Variants in RAP1GAP2 observed in about 807,000 individuals in gnomAD.
RAP1GAP2 encodes RAP1 GTPase activating protein 2, also known as rap1 GTPase-activating protein 2.
In RAP1GAP2, 27 loss-of-function variants were observed where a neutral mutation model predicts 95.0. That is an observed-to-expected ratio of 0.28 (90% CI 0.21 to 0.39). RAP1GAP2 has a LOEUF of 0.39. Among genes scored for constraint, RAP1GAP2 ranks in the 10% least tolerant of loss-of-function variants. RAP1GAP2 has a pLI of 1.00. For synonymous variants in RAP1GAP2, 373 were observed against 380.9 expected, an observed-to-expected ratio of 0.98 and a Z score of 0.24; for missense variants, 771 against 970.0, an observed-to-expected ratio of 0.79 and a Z score of 2.72.
chr17:2,841,303 AT>A (rs35885315), intron 2 of RAP1GAP2, among the ~76,000 whole-genome samples: 164 of 126,972 alleles, frequency 1.3e-3, no homozygotes, highest in Admixed American at 1.7e-3. Context: ...GATATGGGGA[AT>A]TTTTTTTTTT....
In RAP1GAP2 at chr17:2,916,959, C is replaced by T. The variant is rs529171565; in HGVS notation, c.165+11591C>T. Among the ~76,000 whole-genome samples the T allele has an allele frequency of 1.7e-3, 260 of 152,300 alleles. 1 individual carries two copies. The highest frequency in any genetic ancestry group is 5.4e-3 in the Admixed American group (82 of 15,294). ...CTAATAGGGTGCGAGCCACGGGCTT[C>T]GGCCTAGGCGTCTAGGCCAGCTGAG... On this transcript the variant is annotated intron_variant, in intron 3 of 24. Coordinates refer to ENST00000254695, the MANE Select transcript of RAP1GAP2 (RefSeq NM_015085.5).
intron 4 of RAP1GAP2, chr17:2,962,462 T>G: frequency 1.8e-6 from 1 of 547,214 alleles, no homozygotes. Flanking sequence ...CTGGCTCAAG[T>G]CTATGCTGTT....
chr17:2,933,559 A>G (rs1418129091), intron 3 of RAP1GAP2, among the ~76,000 whole-genome samples: 5 of 152,186 alleles, frequency 3.3e-5, no homozygotes, highest in African/African-American at 9.7e-5. Context: ...CATTCTTTAG[A>G]GAGAGACACG....
At chr17:2,784,637 G>T (rs1597301014) in intron 1 of RAP1GAP2, among the ~76,000 whole-genome samples, 1 of 152,318 alleles carries the variant, frequency 6.6e-6, no homozygotes, top group South Asian at 2.1e-4. Context: ...GGTGAGGCTT[G>T]GGTCTGTCCC....
At chr17:2,997,749 C>T (rs542151366) in intron 13 of RAP1GAP2, among the ~76,000 whole-genome samples, 10 of 152,004 alleles carry the variant, frequency 6.6e-5, no homozygotes, top group African/African-American at 2.4e-4. Flanking sequence ...ATGGTGAAAC[C>T]TCGTCTCTAC....
At chr17:2,989,580 G>A (rs774595357) in intron 11 of RAP1GAP2, among the ~76,000 whole-genome samples, 49 of 152,128 alleles carry the variant, frequency 3.2e-4, no homozygotes, top group Middle Eastern at 3.4e-3. Flanking sequence ...TGATCCACCC[G>A]CCTCGGCCTC....
intron 2 of RAP1GAP2, among the ~76,000 whole-genome samples, chr17:2,878,594 C>T (rs979173371): frequency 6.6e-6 from 1 of 152,172 alleles, no homozygotes; most frequent in Non-Finnish European, 1.5e-5. Flanking sequence ...TGATTTAGGG[C>T]AGGGGTTTCT....
chr17:2,971,625 G>A (rs183765059), intron 8 of RAP1GAP2, among the ~76,000 whole-genome samples: 1 of 152,226 alleles, frequency 6.6e-6, no homozygotes, highest in Non-Finnish European at 1.5e-5. Context: ...ATATTTGCAA[G>A]TTGTTATTAT....
rs148724083 is a variant in RAP1GAP2, at chr17:2,920,008, TTC to T, written c.165+14642_165+14643del. ...GAGCCGCCGCATCTGGCCTCCTTTT[TTC>T]TTTTTTTTTTTTTTTTGAGACAGGT... On this transcript the variant is annotated intron_variant, in intron 3 of 24. Transcript: ENST00000254695. Among the ~76,000 whole-genome samples, 32 of 127,320 alleles carry T rather than the reference TTC, an allele frequency of 2.5e-4. No homozygotes were observed. The East Asian group carries it at 4.1e-3, about 16-fold the overall frequency. The allele number at this position is 127,320 out of a possible 152,430, so 83.5% of individuals were successfully genotyped here. A position where few individuals can be genotyped will look rare whatever the true frequency, so the allele number is the denominator to read the frequency against.
upstream of RAP1GAP2, among the ~76,000 whole-genome samples, chr17:2,795,290 T>C (rs2069043038): frequency 6.6e-6 from 1 of 152,048 alleles, no homozygotes; most frequent in South Asian, 2.1e-4. Flanking sequence ...GTGTCTGTTG[T>C]AGTGTACGTG....
At chr17:2,843,882 C>T (rs2071470465) in intron 2 of RAP1GAP2, among the ~76,000 whole-genome samples, 1 of 152,012 alleles carries the variant, frequency 6.6e-6, no homozygotes, top group Non-Finnish European at 1.5e-5. Flanking sequence ...TCATTTGTGA[C>T]CCACAGAGCC....
chr17:2,852,800 G>C (rs1291486173), intron 2 of RAP1GAP2, among the ~76,000 whole-genome samples: 3 of 152,178 alleles, frequency 2.0e-5, no homozygotes, highest in African/African-American at 7.2e-5. Context: ...CCTGGAAGTG[G>C]ATGAGGGCGA....
chr17:2,970,924 A>G (rs1404773834), intron 8 of RAP1GAP2, among the ~76,000 whole-genome samples: 1 of 151,986 alleles, frequency 6.6e-6, no homozygotes, highest in Non-Finnish European at 1.5e-5. Flanking sequence ...GGTCCCAGCT[A>G]CTCAGGAGGC....
At chr17:2,934,521 T>G (rs2151419308) in intron 3 of RAP1GAP2, among the ~76,000 whole-genome samples, 1 of 152,334 alleles carries the variant, frequency 6.6e-6, no homozygotes, top group Admixed American at 6.5e-5. Context: ...AATACTCCTT[T>G]TAGCCAGCTG....
intron 19 of RAP1GAP2, among the ~76,000 whole-genome samples, chr17:3,022,904 T>G (rs1462301159): frequency 5.3e-5 from 8 of 152,276 alleles, no homozygotes; most frequent in Non-Finnish European, 8.8e-5. Context: ...TTGATTTTTA[T>G]GTATGGTGAG....
intron 17 of RAP1GAP2, among the ~76,000 whole-genome samples, chr17:3,012,605 CAAAAAAAA>C (rs71377567): frequency 4.3e-5 from 3 of 69,712 alleles, no homozygotes; most frequent in South Asian, 7.3e-4. Flanking sequence ...GACTGTGTCT[CAAAAAAAA>C]AAAAAAAAAA....
chr17:3,001,452 G>A (rs1341905067), intron 14 of RAP1GAP2, among the ~76,000 whole-genome samples: 3 of 110,846 alleles, frequency 2.7e-5, no homozygotes, highest in African/African-American at 1.1e-4. Flanking sequence ...GGGAGTGCAG[G>A]TCCAAGCACC....
chr17:2,758,073 G>A (rs1416813452), intron 1 of RAP1GAP2, among the ~76,000 whole-genome samples: 4 of 150,332 alleles, frequency 2.7e-5, no homozygotes, highest in African/African-American at 9.8e-5. Flanking sequence ...GTTTCACCAT[G>A]TTAGCCCGGA....
Position 2,791,221 on chromosome 17 carries a change from A to G in RAP1GAP2, c.-13-9294A>G, listed in dbSNP as rs140034168. Among the ~76,000 whole-genome samples, 1,459 of 152,230 alleles carry G rather than the reference A, an allele frequency of 9.6e-3. 27 individuals carry two copies. The highest frequency in any genetic ancestry group is 0.032 in the African/African-American group (1,345 of 41,538). ...CCCCTTCTCTAAAAAAGAAAAAAAA[A>G]TGCCCATCGAACTGGGTGAGTTCCC... On this transcript the variant is annotated intron_variant, in intron 1 of 24. Coordinates refer to the RAP1GAP2 transcript ENST00000540393.
Sources: allele counts gnomAD v4.1 joint callset (sites outside exome capture counted in the v4.1 genomes callset), GRCh38; gene constraint gnomAD v4.1.1; transcripts MANE v1.5; gene names NCBI Gene and HGNC (gene_info 2026-07-23, HGNC 2026-07-21).